NKAIN2: variants seen among roughly 807,000 people sequenced by gnomAD.
NKAIN2 encodes the protein sodium/potassium transporting ATPase interacting 2, also known as sodium/potassium-transporting ATPase subunit beta-1-interacting protein 2.
A neutral mutation model predicts 32.6 loss-of-function variants in NKAIN2; 14 were observed. The observed-to-expected ratio is 0.43, with a 90% CI of 0.28 to 0.67. The LOEUF (loss-of-function observed/expected upper bound fraction) is 0.67, where lower values mean the gene tolerates loss of function less well. NKAIN2 is among the 30% of genes least tolerant of loss of function. The pLI, the probability that NKAIN2 is intolerant of heterozygous loss-of-function variation, is 0.17. For synonymous variants in NKAIN2, 80 were observed against 87.2 expected (o/e 0.92, Z 0.46); for missense variants, 198 against 258.3 (o/e 0.77, Z 1.60).
At chr6:124,610,963 T>C (rs1782667499) in intron 3 of NKAIN2, among the ~76,000 whole-genome samples, 2 of 152,134 alleles carry the variant, frequency 1.3e-5, no homozygotes, top group Non-Finnish European at 2.9e-5. Flanking sequence ...AGGGATAGAA[T>C]TTCCTTACCG....
intron 1 of NKAIN2, among the ~76,000 whole-genome samples, chr6:123,940,668 T>C (rs1776772971): frequency 6.6e-6 from 1 of 152,002 alleles, no homozygotes; most frequent in South Asian, 2.1e-4. Flanking sequence ...AAATGTGATA[T>C]AAAAGATTTA....
intron 3 of NKAIN2, among the ~76,000 whole-genome samples, chr6:124,536,066 A>G (rs1452345387): frequency 6.6e-6 from 1 of 152,242 alleles, no homozygotes; most frequent in African/African-American, 2.4e-5. Context: ...AGAAGAGGCC[A>G]TCCCTGGACT....
intron 3 of NKAIN2, among the ~76,000 whole-genome samples, chr6:124,379,884 T>G (rs551468010): frequency 6.6e-6 from 1 of 152,226 alleles, no homozygotes; most frequent in South Asian, 2.1e-4. Flanking sequence ...TTTGACTTTT[T>G]GTGTTTTCAG....
At chr6:124,099,292 A>G (rs1784778972) in intron 1 of NKAIN2, among the ~76,000 whole-genome samples, 1 of 152,186 alleles carries the variant, frequency 6.6e-6, no homozygotes, top group Non-Finnish European at 1.5e-5. Context: ...CCTTTTTAAT[A>G]TGATGATTAG....
chr6:124,039,274 A>G (rs2114805332), intron 1 of NKAIN2, among the ~76,000 whole-genome samples: 1 of 152,176 alleles, frequency 6.6e-6, no homozygotes, highest in East Asian at 1.9e-4. Context: ...TATATGAGTT[A>G]ATATATGATA....
chr6:124,053,387 A>G (rs1027222955), intron 1 of NKAIN2, among the ~76,000 whole-genome samples: 3 of 152,076 alleles, frequency 2.0e-5, no homozygotes, highest in African/African-American at 7.2e-5. Context: ...TGTTAATCAC[A>G]CATCTCTTCT....
intron 3 of NKAIN2, among the ~76,000 whole-genome samples, chr6:124,631,440 A>C (rs1027847163): frequency 6.6e-6 from 1 of 152,206 alleles, no homozygotes; most frequent in Non-Finnish European, 1.5e-5. Context: ...CTAGGCAACA[A>C]AAAAATTATA....
chr6:124,018,525 C>T (rs1330630921), intron 1 of NKAIN2, among the ~76,000 whole-genome samples: 1 of 152,144 alleles, frequency 6.6e-6, no homozygotes, highest in African/African-American at 2.4e-5. Context: ...AAATTTCTTT[C>T]TCCAGATACT....
intron 1 of NKAIN2, among the ~76,000 whole-genome samples, chr6:123,831,664 T>G (rs1774386317): frequency 6.6e-6 from 1 of 151,168 alleles, no homozygotes; most frequent in Non-Finnish European, 1.5e-5. Flanking sequence ...TTTTTTTGTT[T>G]TTTTTTTTTG....
chr6:124,712,023 G>A (rs1775500999), intron 4 of NKAIN2, among the ~76,000 whole-genome samples: 1 of 151,956 alleles, frequency 6.6e-6, no homozygotes, highest in Non-Finnish European at 1.5e-5. Context: ...CTGTTTGTTA[G>A]TTTTCCTTCT....
intron 3 of NKAIN2, among the ~76,000 whole-genome samples, chr6:124,357,308 C>A (rs1451823471): frequency 6.6e-6 from 1 of 152,058 alleles, no homozygotes; most frequent in African/African-American, 2.4e-5. Flanking sequence ...TTTTTCCTCT[C>A]TTTCGTGTTC....
intron 3 of NKAIN2, among the ~76,000 whole-genome samples, chr6:124,565,094 C>G (rs777127691): frequency 6.6e-6 from 1 of 151,988 alleles, no homozygotes; most frequent in African/African-American, 2.4e-5. Flanking sequence ...GGGGAGGTGG[C>G]GGTGAGGGGA....
intron 1 of NKAIN2, among the ~76,000 whole-genome samples, chr6:124,163,909 A>C (rs746886967): frequency 1.3e-5 from 2 of 152,028 alleles, no homozygotes; most frequent in African/African-American, 2.4e-5. Context: ...ATACGAACTG[A>C]AACTTGCAGA....
chr6:124,012,111 T>G (rs9320972), intron 1 of NKAIN2, among the ~76,000 whole-genome samples: 16,737 of 152,000 alleles, frequency 0.11, 1,579 homozygotes, highest in African/African-American at 0.26. Flanking sequence ...GATATATTCT[T>G]ATGTATGTAT....
At chr6:124,387,993 G>A (rs190669535) in intron 3 of NKAIN2, among the ~76,000 whole-genome samples, 54 of 152,112 alleles carry the variant, frequency 3.6e-4, no homozygotes, top group Non-Finnish European at 4.9e-4. Flanking sequence ...TAAGGAGAAG[G>A]TGCTACTATC....
At chr6:124,108,431 T>A (rs1450842617) in intron 1 of NKAIN2, among the ~76,000 whole-genome samples, 1 of 152,082 alleles carries the variant, frequency 6.6e-6, no homozygotes, top group East Asian at 1.9e-4. Context: ...TGTTAAACTT[T>A]TATTGGATAT....
At chr6:124,189,231 T>G (rs1450279592) in intron 1 of NKAIN2, among the ~76,000 whole-genome samples, 1 of 152,164 alleles carries the variant, frequency 6.6e-6, no homozygotes, top group Non-Finnish European at 1.5e-5. Flanking sequence ...GAGACATGAT[T>G]GTGCTGTGAA....
chr6:123,844,428 A>G (rs1161768287), intron 1 of NKAIN2, among the ~76,000 whole-genome samples: 1 of 152,092 alleles, frequency 6.6e-6, no homozygotes, highest in Non-Finnish European at 1.5e-5. Flanking sequence ...CCCTGCCTCT[A>G]TTGCTCACAT....
At chr6:124,257,998 CTCAAACTCCCGATCTCAGGTGAT>C (rs552268458) in intron 1 of NKAIN2, among the ~76,000 whole-genome samples, 1 of 151,994 alleles carries the variant, frequency 6.6e-6, no homozygotes, top group East Asian at 1.9e-4. Flanking sequence ...CCAGGCTGGT[CTCAAACTCCCGATCTCAGGTGAT>C]TCATTGCCTC....
Sources: allele counts gnomAD v4.1 joint callset (sites outside exome capture counted in the v4.1 genomes callset), GRCh38; gene constraint gnomAD v4.1.1; transcripts MANE v1.5; gene names NCBI Gene and HGNC (gene_info 2026-07-23, HGNC 2026-07-21).